RNF144A: variants seen among roughly 807,000 people sequenced by gnomAD.
RNF144A encodes ring finger protein 144A.
Under a neutral mutation model 38.7 loss-of-function variants are expected in RNF144A, and 11 were observed. That is an observed-to-expected ratio of 0.28 (90% CI 0.18 to 0.47). The LOEUF is 0.47. RNF144A is among the 20% of genes least tolerant of loss of function. The probability of loss-of-function intolerance (pLI) is 0.99; values close to 1 mark genes in which losing one functional copy is unlikely to be tolerated. For missense variants in RNF144A, 316 were observed against 377.2 expected (o/e 0.84, Z 1.34); for synonymous variants, 149 against 143.9 (o/e 1.04, Z -0.25).
intron 8 of RNF144A, among the ~76,000 whole-genome samples, chr2:7,031,267 A>G (rs986415295): frequency 6.6e-6 from 1 of 152,236 alleles, no homozygotes; most frequent in African/African-American, 2.4e-5. Flanking sequence ...CTTTCAACAC[A>G]TATTTATAGC....
At chr2:6,926,508 G>A (rs191988992) in intron 1 of RNF144A, among the ~76,000 whole-genome samples, 1 of 152,346 alleles carries the variant, frequency 6.6e-6, no homozygotes, top group Non-Finnish European at 1.5e-5. Flanking sequence ...GAGCCCATAT[G>A]GATTAGGCCC....
chr2:6,952,183 T>C (rs1666726684), intron 2 of RNF144A, among the ~76,000 whole-genome samples: 1 of 152,132 alleles, frequency 6.6e-6, no homozygotes. Context: ...CTCACTGTTT[T>C]TTTATGTTCT....
intron 2 of RNF144A, among the ~76,000 whole-genome samples, chr2:6,990,455 A>G (rs1669276260): frequency 7.9e-6 from 1 of 127,308 alleles, no homozygotes; most frequent in African/African-American, 3.0e-5. Context: ...TATATATATA[A>G]TATATAATAT....
At chr2:6,995,672 T>C (rs1392094396) in intron 2 of RNF144A, among the ~76,000 whole-genome samples, 4 of 152,178 alleles carry the variant, frequency 2.6e-5, no homozygotes, top group Admixed American at 2.6e-4. Context: ...GCCAGTCCAG[T>C]CTTTCCATGT....
chr2:6,982,799 T>G (rs1668716572), intron 2 of RNF144A, among the ~76,000 whole-genome samples: 1 of 152,370 alleles, frequency 6.6e-6, no homozygotes, highest in Non-Finnish European at 1.5e-5. Flanking sequence ...CACAGTCATC[T>G]TCCTGCTGCA....
chr2:6,956,626 G>C (rs1414039640), intron 2 of RNF144A, among the ~76,000 whole-genome samples: 2 of 152,148 alleles, frequency 1.3e-5, no homozygotes, highest in African/African-American at 4.8e-5. Flanking sequence ...CTTAGACCGA[G>C]ATTTTTGTTT....
intron 2 of RNF144A, among the ~76,000 whole-genome samples, chr2:6,954,401 C>G (rs1357305040): frequency 5.3e-5 from 8 of 152,026 alleles, no homozygotes; most frequent in Non-Finnish European, 1.2e-4. Flanking sequence ...TCTAAAAACC[C>G]TAAGAGCCTT....
intron 2 of RNF144A, among the ~76,000 whole-genome samples, chr2:6,971,980 G>A (rs1374341235): frequency 2.0e-5 from 3 of 152,300 alleles, no homozygotes; most frequent in Non-Finnish European, 4.4e-5. Context: ...ATTGGTTCAT[G>A]AATGGAGATC....
downstream of RNF144A, among the ~76,000 whole-genome samples, chr2:7,048,079 T>C (rs1389859196): frequency 3.9e-5 from 6 of 152,138 alleles, no homozygotes; most frequent in South Asian, 1.2e-3. Context: ...GAAGATCGCA[T>C]CCCAGGAGAA....
intron 2 of RNF144A, among the ~76,000 whole-genome samples, chr2:6,973,274 A>T (rs933809221): frequency 6.6e-6 from 1 of 152,234 alleles, no homozygotes. Flanking sequence ...GTTGTGTCTA[A>T]TATTAGACTC....
intron 6 of RNF144A, 144 bp from the exon 7 acceptor site, chr2:7,024,225 T>C (rs529832034): frequency 2.8e-6 from 2 of 707,580 alleles, no homozygotes; most frequent in South Asian, 4.2e-5. Flanking sequence ...TGTTTCTTTG[T>C]TTTTTGGTTT....
At chr2:7,001,732 A>G (rs562340963) in intron 3 of RNF144A, among the ~76,000 whole-genome samples, 11 of 152,330 alleles carry the variant, frequency 7.2e-5, no homozygotes, top group African/African-American at 2.4e-4. Context: ...TTCCCGTGCA[A>G]TGCATAACTA....
At chr2:7,074,274 C>T in the RNF144A span, among the ~76,000 whole-genome samples, 2 of 152,114 alleles carry the variant, frequency 1.3e-5, no homozygotes, top group African/African-American at 2.4e-5. Flanking sequence ...AAACTGTGCT[C>T]GTTCTGGGCC....
intron 6 of RNF144A, among the ~76,000 whole-genome samples, chr2:7,022,404 G>A (rs955734150): frequency 6.6e-6 from 1 of 152,200 alleles, no homozygotes; most frequent in Non-Finnish European, 1.5e-5. Context: ...TGAGTTTACA[G>A]TAAATGTTGT....
chr2:6,936,295 A>G (rs1305084136), intron 1 of RNF144A, among the ~76,000 whole-genome samples: 1 of 152,214 alleles, frequency 6.6e-6, no homozygotes, highest in Non-Finnish European at 1.5e-5. Context: ...AACTGATGGC[A>G]TATATATACA....
intron 1 of RNF144A, among the ~76,000 whole-genome samples, chr2:6,939,777 T>C (rs954212529): frequency 6.6e-5 from 10 of 152,158 alleles, no homozygotes; most frequent in Admixed American, 6.5e-4. Flanking sequence ...TTAGATTCAG[T>C]TTTTCAGCAC....
At chr2:6,984,172 G>T (rs938369949) in intron 2 of RNF144A, among the ~76,000 whole-genome samples, 4 of 152,082 alleles carry the variant, frequency 2.6e-5, no homozygotes, top group African/African-American at 9.7e-5. Context: ...GTATCTTACC[G>T]ATTTATCTAT....
chr2:7,051,985 A>G (rs943120502), intron 6 of RNF144A, among the ~76,000 whole-genome samples: 2 of 152,164 alleles, frequency 1.3e-5, no homozygotes, highest in Non-Finnish European at 2.9e-5. Flanking sequence ...GGTATGCCCA[A>G]TTCTCACTCA....
intron 1 of RNF144A, among the ~76,000 whole-genome samples, chr2:6,929,906 A>T (rs994559060): frequency 6.6e-5 from 10 of 152,220 alleles, no homozygotes; most frequent in Non-Finnish European, 1.3e-4. Context: ...TTCGAATATG[A>T]TGAAGTGGGT....
Sources: allele counts gnomAD v4.1 joint callset (sites outside exome capture counted in the v4.1 genomes callset), GRCh38; gene constraint gnomAD v4.1.1; transcripts MANE v1.5; gene names NCBI Gene and HGNC (gene_info 2026-07-23, HGNC 2026-07-21).